AMD1: variants seen among roughly 807,000 people sequenced by gnomAD.
The protein encoded by AMD1 is S-adenosylmethionine decarboxylase proenzyme.
A neutral mutation model predicts 40.2 loss-of-function variants in AMD1; 11 were observed. That is an observed-to-expected ratio of 0.27 (90% CI 0.17 to 0.45). The LOEUF (loss-of-function observed/expected upper bound fraction) is 0.45. Among genes scored for constraint, AMD1 ranks in the 20% least tolerant of loss-of-function variants. The pLI is 1.00. For missense variants in AMD1, 257 were observed against 410.2 expected (o/e 0.63, Z 3.23); for synonymous variants, 121 against 130.8 (o/e 0.93, Z 0.51).
chr6:110,858,668 C>T, the AMD1 span: 1 of 1,073,308 alleles, frequency 9.3e-7, no homozygotes, highest in African/African-American at 1.6e-5. Context: ...GGACATCGGC[C>T]TTAAGTACTC....
chr6:110,893,629 A>G lies in AMD1; in HGVS notation c.*13A>G. 6.2e-7 allele frequency: 1 copy of G among 1,610,388 alleles called. No homozygotes were observed. Among genetic ancestry groups the G allele is most frequent in the Middle Eastern group, 1.7e-4 (1 of 5,864 alleles). ...ACAGCAGAGTTGATTAAGAAAAATG[A>G]AGAAAAAACGCAAAAAGAGAACACA... On this transcript the variant is annotated 3_prime_UTR_variant, in exon 9 of 9. Transcript: ENST00000368885.
At chr6:110,878,470 T>A (rs1785226925) in intron 1 of AMD1, among the ~76,000 whole-genome samples, 1 of 152,226 alleles carries the variant, frequency 6.6e-6, no homozygotes, top group African/African-American at 2.4e-5. Flanking sequence ...AAGAAAAATC[T>A]TTTATGATAT....
chr6:110,866,899 C>T, the AMD1 span, among the ~76,000 whole-genome samples: 28 of 151,850 alleles, frequency 1.8e-4, no homozygotes, highest in African/African-American at 2.9e-4. Context: ...CTGCAACCTC[C>T]GCCTCCCCGG....
the AMD1 span, among the ~76,000 whole-genome samples, chr6:110,840,383 T>A: frequency 6.6e-6 from 1 of 151,284 alleles, no homozygotes; most frequent in Admixed American, 6.6e-5. Flanking sequence ...GTCCAGGCCT[T>A]TGGAACTTCT....
the AMD1 span, among the ~76,000 whole-genome samples, chr6:110,840,793 G>T: frequency 3.9e-5 from 6 of 152,176 alleles, no homozygotes; most frequent in African/African-American, 1.4e-4. Context: ...GGGGGCAAGT[G>T]AAAGGAGGGC....
At chr6:110,830,352 T>C in the AMD1 span, among the ~76,000 whole-genome samples, 1 of 151,950 alleles carries the variant, frequency 6.6e-6, no homozygotes, top group Non-Finnish European at 1.5e-5. Flanking sequence ...AGGATCTCAC[T>C]TTGCTGCCCA....
chr6:110,849,163 T>G, the AMD1 span, among the ~76,000 whole-genome samples: 1 of 152,210 alleles, frequency 6.6e-6, no homozygotes, highest in Non-Finnish European at 1.5e-5. Flanking sequence ...CTTGAGAACA[T>G]GGTATCTGGA....
At chr6:110,858,189 C>T in the AMD1 span, 2 of 651,388 alleles carry the variant, frequency 3.1e-6, no homozygotes, top group Non-Finnish European at 5.5e-6. Flanking sequence ...CCCGCGCCTG[C>T]CAGGCCGTCT....
chr6:110,886,991 T>C (rs1342322447), intron 1 of AMD1, among the ~76,000 whole-genome samples: 1 of 152,206 alleles, frequency 6.6e-6, no homozygotes, highest in Non-Finnish European at 1.5e-5. Flanking sequence ...TGCGTAGTAT[T>C]CCCAAAATCT....
At chr6:110,824,395 A>T in the AMD1 span, among the ~76,000 whole-genome samples, 4,191 of 152,270 alleles carry the variant, frequency 0.028, 81 homozygotes, top group South Asian at 0.084. Flanking sequence ...ATAAAGAGTG[A>T]TATAATGGAC....
the AMD1 span, among the ~76,000 whole-genome samples, chr6:110,827,401 C>G: frequency 3.3e-5 from 5 of 151,968 alleles, no homozygotes; most frequent in Non-Finnish European, 7.4e-5. Flanking sequence ...CCTCAGCCTC[C>G]CAAAGTGCTA....
At chr6:110,847,067 T>TG in the AMD1 span, among the ~76,000 whole-genome samples, 4 of 126,872 alleles carry the variant, frequency 3.2e-5, no homozygotes, top group East Asian at 6.4e-4. Context: ...GTGTGTGGTG[T>TG]GTGTGTGTGT....
chr6:110,857,697 C>CAT, the AMD1 span, among the ~76,000 whole-genome samples: 1 of 128,394 alleles, frequency 7.8e-6, no homozygotes, highest in East Asian at 2.2e-4. Context: ...ATACAGATGG[C>CAT]ATATATATAG....
At chr6:110,840,863 A>T in the AMD1 span, among the ~76,000 whole-genome samples, 5 of 152,248 alleles carry the variant, frequency 3.3e-5, no homozygotes, top group East Asian at 7.7e-4. Context: ...ATTATAACAA[A>T]AACTATAACA....
the AMD1 span, among the ~76,000 whole-genome samples, chr6:110,820,441 C>T: frequency 6.6e-6 from 1 of 151,782 alleles, no homozygotes; most frequent in Admixed American, 6.6e-5. Context: ...TCTCCATGTT[C>T]ATCAGGCTGG....
chr6:110,835,149 G>A, the AMD1 span, among the ~76,000 whole-genome samples: 1 of 150,572 alleles, frequency 6.6e-6, no homozygotes, highest in African/African-American at 2.4e-5. Context: ...CTCCCAAGTA[G>A]CTGGGACTAC....
the AMD1 span, among the ~76,000 whole-genome samples, chr6:110,855,312 A>G: frequency 1.4e-4 from 21 of 152,248 alleles, 1 homozygote; most frequent in South Asian, 4.3e-3. Context: ...CAAAAAATTG[A>G]TGGTTAGGAA....
chr6:110,821,543 G>A, the AMD1 span, among the ~76,000 whole-genome samples: 1 of 152,070 alleles, frequency 6.6e-6, no homozygotes, highest in Non-Finnish European at 1.5e-5. Flanking sequence ...GAACCCAGGA[G>A]GCAGAGGTTG....
the AMD1 span, among the ~76,000 whole-genome samples, chr6:110,861,313 A>C: frequency 4.6e-5 from 7 of 150,890 alleles, no homozygotes; most frequent in Admixed American, 3.3e-4. Flanking sequence ...AGCCGAGATC[A>C]TGCCACTGCA....
Sources: gnomAD v4.1 joint callset for allele counts (sites outside exome capture counted in the v4.1 genomes callset) on GRCh38, gnomAD v4.1.1 for gene constraint, MANE v1.5 for transcripts, NCBI Gene and HGNC (gene_info 2026-07-23, HGNC 2026-07-21) for gene names.